Variants in EPB41L4A observed in about 807,000 individuals in gnomAD.
The protein encoded by EPB41L4A is band 4.1-like protein 4A.
EPB41L4A carries 100 observed loss-of-function variants against 108.6 expected under a neutral mutation model. The observed-to-expected ratio is 0.92, with a 90% CI of 0.78 to 1.09. The LOEUF is 1.09. Among genes scored for constraint, EPB41L4A ranks in the 50% least tolerant of loss-of-function variants. The pLI is 0.00. For synonymous variants in EPB41L4A, 319 were observed against 289.0 expected (o/e 1.10, Z -1.05); for missense variants, 1,030 against 842.7 (o/e 1.22, Z -2.75).
chr5:112,397,053 C>T (rs912120255), intron 1 of EPB41L4A, among the ~76,000 whole-genome samples: 18 of 152,128 alleles, frequency 1.2e-4, no homozygotes, highest in Non-Finnish European at 2.4e-4. Context: ...GAACATTATA[C>T]CCAATAGGTA....
intron 6 of EPB41L4A, chr5:112,263,489 C>G (rs376040903): frequency 6.6e-6 from 1 of 152,222 alleles, no homozygotes; most frequent in Non-Finnish European, 1.5e-5. Flanking sequence ...ATCTAAAACA[C>G]ATGAGAGCCT....
At chr5:112,405,206 G>T (rs1313576057) in intron 1 of EPB41L4A, among the ~76,000 whole-genome samples, 1 of 152,096 alleles carries the variant, frequency 6.6e-6, no homozygotes, top group East Asian at 1.9e-4. Context: ...AAGTACTCAG[G>T]AGTCTATGGA....
intron 1 of EPB41L4A, among the ~76,000 whole-genome samples, chr5:112,353,467 G>A (rs567499956): frequency 6.6e-6 from 1 of 152,018 alleles, no homozygotes; most frequent in Non-Finnish European, 1.5e-5. Flanking sequence ...ATGTGCTGAG[G>A]TTAGTGGTGG....
At chr5:112,401,792 T>C (rs1226593013) in intron 1 of EPB41L4A, among the ~76,000 whole-genome samples, 1 of 152,188 alleles carries the variant, frequency 6.6e-6, no homozygotes, top group Admixed American at 6.5e-5. Flanking sequence ...GACAGGTGCA[T>C]GCAGTAAAAC....
intron 18 of EPB41L4A, among the ~76,000 whole-genome samples, chr5:112,181,684 AC>A (rs1300363547): frequency 6.6e-6 from 1 of 152,170 alleles, no homozygotes; most frequent in Non-Finnish European, 1.5e-5. Flanking sequence ...AAGCTCAAAA[AC>A]ATGTTGAGTG....
chr5:112,311,012 C>G (rs1755013628), intron 1 of EPB41L4A, among the ~76,000 whole-genome samples: 1 of 152,138 alleles, frequency 6.6e-6, no homozygotes, highest in Non-Finnish European at 1.5e-5. Flanking sequence ...GATTTTCCAG[C>G]ATTCTTATCT....
At chr5:112,319,573 G>C (rs945133341) in intron 1 of EPB41L4A, among the ~76,000 whole-genome samples, 1 of 152,122 alleles carries the variant, frequency 6.6e-6, no homozygotes, top group African/African-American at 2.4e-5. Context: ...AGTTTTTCCT[G>C]CTAAAAAATA....
At chr5:112,256,623 C>T (rs958042010) in intron 9 of EPB41L4A, among the ~76,000 whole-genome samples, 3 of 152,000 alleles carry the variant, frequency 2.0e-5, no homozygotes, top group Admixed American at 2.0e-4. Context: ...AAAAAGAAAA[C>T]TTATCAAACA....
chr5:112,322,816 T>C (rs1755893283), intron 1 of EPB41L4A, among the ~76,000 whole-genome samples: 1 of 151,672 alleles, frequency 6.6e-6, no homozygotes, highest in African/African-American at 2.4e-5. Context: ...GCCTGATAAA[T>C]AGGAACCCAT....
intron 2 of EPB41L4A, among the ~76,000 whole-genome samples, chr5:112,281,403 G>T (rs908461418): frequency 8.5e-5 from 13 of 152,218 alleles, no homozygotes; most frequent in African/African-American, 3.1e-4. Flanking sequence ...TCTGTGGGAA[G>T]AGCAGGGCAG....
At chr5:112,215,438 C>T (rs1037133680) in intron 12 of EPB41L4A, among the ~76,000 whole-genome samples, 1 of 152,142 alleles carries the variant, frequency 6.6e-6, no homozygotes, top group Non-Finnish European at 1.5e-5. Flanking sequence ...TCAAGAGTGT[C>T]CAATTCATTT....
At chr5:112,206,635 A>C (rs572386893) in intron 13 of EPB41L4A, among the ~76,000 whole-genome samples, 1 of 152,324 alleles carries the variant, frequency 6.6e-6, no homozygotes, top group South Asian at 2.1e-4. Context: ...AAGCAAAGAG[A>C]AGGGAGAAGG....
chr5:112,296,451 C>G (rs1360304335), intron 2 of EPB41L4A, among the ~76,000 whole-genome samples: 1 of 151,940 alleles, frequency 6.6e-6, no homozygotes, highest in Non-Finnish European at 1.5e-5. Flanking sequence ...AAAAACCCAA[C>G]TGAATGGTCT....
intron 15 of EPB41L4A, among the ~76,000 whole-genome samples, chr5:112,198,738 T>C (rs1428257350): frequency 2.0e-5 from 3 of 152,226 alleles, no homozygotes; most frequent in African/African-American, 7.2e-5. Context: ...ACCTTCCAAA[T>C]ATTTTACTCA....
At chr5:112,329,286 A>G (rs1195919593) in intron 1 of EPB41L4A, among the ~76,000 whole-genome samples, 2 of 152,224 alleles carry the variant, frequency 1.3e-5, no homozygotes, top group African/African-American at 4.8e-5. Flanking sequence ...CAACTAGCTG[A>G]AAATTTTAAA....
At chr5:112,216,345 C>G (rs1003664469) in intron 12 of EPB41L4A, among the ~76,000 whole-genome samples, 9 of 152,144 alleles carry the variant, frequency 5.9e-5, no homozygotes, top group African/African-American at 2.2e-4. Context: ...CAACATAAAT[C>G]AAATCTTTGA....
At chr5:112,146,592 A>G (rs768410794) in intron 12 of EPB41L4A, among the ~76,000 whole-genome samples, 1 of 152,258 alleles carries the variant, frequency 6.6e-6, no homozygotes, top group Non-Finnish European at 1.5e-5. Flanking sequence ...TCATAAAAAT[A>G]TAAAAAATTT....
At chr5:112,391,338 T>A (rs1332725094) in intron 1 of EPB41L4A, among the ~76,000 whole-genome samples, 1 of 152,122 alleles carries the variant, frequency 6.6e-6, no homozygotes, top group East Asian at 1.9e-4. Context: ...TGAAAAAAGA[T>A]GAGATGAATG....
chr5:112,353,384 G>A (rs920065693), intron 1 of EPB41L4A, among the ~76,000 whole-genome samples: 4 of 152,176 alleles, frequency 2.6e-5, no homozygotes, highest in African/African-American at 7.2e-5. Flanking sequence ...CAGGCCCTCA[G>A]GGCACTGGGC....
Sources: allele counts gnomAD v4.1 joint callset (sites outside exome capture counted in the v4.1 genomes callset), GRCh38; gene constraint gnomAD v4.1.1; transcripts MANE v1.5; gene names NCBI Gene and HGNC (gene_info 2026-07-23, HGNC 2026-07-21).